PCDH15: variants seen among roughly 807,000 people sequenced by gnomAD.
PCDH15 encodes protocadherin-15.
In PCDH15, 129 loss-of-function variants were observed where a neutral mutation model predicts 178.5. That is an observed-to-expected ratio of 0.72 (90% CI 0.63 to 0.84). PCDH15 has a LOEUF of 0.84. Ranked by LOEUF, PCDH15 falls within the 40% of genes least tolerant of loss-of-function variation. The probability of loss-of-function intolerance (pLI) is 0.00; values close to 1 mark genes in which losing one functional copy is unlikely to be tolerated. For missense variants in PCDH15, 2,230 were observed against 2,099.9 expected (o/e 1.06, Z -1.21); for synonymous variants, 800 against 732.0 (o/e 1.09, Z -1.50).
At chr10:55,261,513 T>C (rs1056220132) in intron 1 of PCDH15, among the ~76,000 whole-genome samples, 1 of 152,180 alleles carries the variant, frequency 6.6e-6, no homozygotes. Flanking sequence ...TATTAGCATG[T>C]ATTTGTGTAT....
intron 21 of PCDH15, chr10:53,995,010 A>C (rs1447441551): frequency 6.6e-6 from 1 of 152,036 alleles, no homozygotes; most frequent in Non-Finnish European, 1.5e-5. Context: ...GAAAAATTTA[A>C]ATCATCAGGA....
chr10:55,464,455 C>T (rs1839785263), intron 2 of PCDH15, among the ~76,000 whole-genome samples: 1 of 151,826 alleles, frequency 6.6e-6, no homozygotes, highest in Admixed American at 6.6e-5. Flanking sequence ...ACCTGAGCAA[C>T]AGATGGCAAG....
chr10:55,606,617 G>A (rs1265082978), intron 2 of PCDH15, among the ~76,000 whole-genome samples: 4 of 148,262 alleles, frequency 2.7e-5, no homozygotes, highest in African/African-American at 7.5e-5. Flanking sequence ...TCTGATCTTT[G>A]ACAAACCTGA....
At chr10:55,442,470 T>TTATATATATATTATATATA (rs1839214261) in intron 2 of PCDH15, among the ~76,000 whole-genome samples, 1 of 124,698 alleles carries the variant, frequency 8.0e-6, no homozygotes, top group Non-Finnish European at 1.6e-5. Flanking sequence ...TATATATATA[T>TTATATATATATTATATATA]TATATATATA....
rs1244558475 is a variant in PCDH15, at chr10:55,455,001, C to T, written c.-156+172624G>A. 5.9e-5 allele frequency among the ~76,000 whole-genome samples: 9 copies of T among 151,952 alleles called. No homozygotes were observed. The East Asian group carries it at 1.7e-3, about 29-fold the overall frequency. ...CAATGTATATATGCATACATATCTT[C>T]ATCTTATGCTTTATGTAAGTGCTTA... On this transcript the variant is annotated intron_variant, in intron 2 of 5. Coordinates refer to the PCDH15 transcript ENST00000613346.
intron 1 of PCDH15, among the ~76,000 whole-genome samples, chr10:55,229,133 C>G (rs1434335361): frequency 6.6e-6 from 1 of 151,578 alleles, no homozygotes; most frequent in Non-Finnish European, 1.5e-5. Flanking sequence ...CTATAAAACT[C>G]ACACAATATA....
intron 8 of PCDH15, among the ~76,000 whole-genome samples, chr10:54,292,053 A>T (rs982723827): frequency 2.0e-5 from 3 of 152,212 alleles, no homozygotes; most frequent in African/African-American, 4.8e-5. Flanking sequence ...CCTGATGAAC[A>T]TTGATGCAAA....
intron 3 of PCDH15, among the ~76,000 whole-genome samples, chr10:54,514,516 G>T (rs1206748950): frequency 6.6e-6 from 1 of 151,322 alleles, no homozygotes; most frequent in African/African-American, 2.4e-5. Context: ...AAAAAAAAAT[G>T]AAAGCAAGGA....
At chr10:54,007,569 T>C (rs1363362445) in intron 20 of PCDH15, among the ~76,000 whole-genome samples, 1 of 152,160 alleles carries the variant, frequency 6.6e-6, no homozygotes, top group South Asian at 2.1e-4. Flanking sequence ...GTTATTTGTT[T>C]GATCATCACA....
chr10:55,184,303 G>T (rs758489535), intron 1 of PCDH15, among the ~76,000 whole-genome samples: 3 of 151,938 alleles, frequency 2.0e-5, no homozygotes, highest in Non-Finnish European at 4.4e-5. Flanking sequence ...CATCCGTACT[G>T]CCATAGAGAA....
At chr10:54,807,071 C>T (rs1175053198) in intron 3 of PCDH15, among the ~76,000 whole-genome samples, 3 of 152,168 alleles carry the variant, frequency 2.0e-5, no homozygotes, top group African/African-American at 7.2e-5. Context: ...TTATACAAGA[C>T]ATAATGCTAG....
At chr10:53,852,562 A>G (rs2078455403) in intron 28 of PCDH15, among the ~76,000 whole-genome samples, 1 of 152,076 alleles carries the variant, frequency 6.6e-6, no homozygotes, top group South Asian at 2.1e-4. Context: ...AGCAGCTAAG[A>G]TTTATTACAA....
intron 2 of PCDH15, among the ~76,000 whole-genome samples, chr10:55,164,676 G>C (rs1325510859): frequency 6.6e-6 from 1 of 151,890 alleles, no homozygotes; most frequent in Non-Finnish European, 1.5e-5. Flanking sequence ...GATTTTCTTT[G>C]TACTAATGTC....
At chr10:55,163,342 A>G (rs1244187561) in intron 2 of PCDH15, among the ~76,000 whole-genome samples, 2 of 152,208 alleles carry the variant, frequency 1.3e-5, no homozygotes, top group Non-Finnish European at 2.9e-5. Context: ...TGATGCATGT[A>G]TACTCCAAAG....
intron 2 of PCDH15, among the ~76,000 whole-genome samples, chr10:55,389,733 C>T (rs574654192): frequency 6.6e-6 from 1 of 152,188 alleles, no homozygotes; most frequent in Admixed American, 6.5e-5. Context: ...TAATTTTCAG[C>T]AACTCTCATA....
In PCDH15 at chr10:54,751,545, C is replaced by A. The variant is rs1946223914; in HGVS notation, c.-29+49380G>T. 2.0e-5 allele frequency among the ~76,000 whole-genome samples: 3 copies of A among 152,080 alleles called. No homozygotes were observed. In the South Asian group the frequency reaches 6.2e-4, roughly 32 times the overall value. On this transcript the variant is annotated intron_variant, in intron 1 of 37. Transcript: ENST00000644397. ...CAATATATTGCACCCAGAAAAAACC[C>A]TTAAAACCGTCTAGTTCAATCATCT...
chr10:53,957,024 C>T (rs1171329078), intron 23 of PCDH15, among the ~76,000 whole-genome samples: 1 of 152,102 alleles, frequency 6.6e-6, no homozygotes, highest in East Asian at 1.9e-4. Context: ...ATGACCTTGG[C>T]CTCAATGCCA....
At chr10:54,577,208 G>A (rs1202792653) in intron 2 of PCDH15, among the ~76,000 whole-genome samples, 1 of 151,438 alleles carries the variant, frequency 6.6e-6, no homozygotes, top group African/African-American at 2.4e-5. Context: ...TCAGCCCCCT[G>A]AGTAGCAGGG....
At chr10:53,948,235 A>C (rs1187194157) in intron 23 of PCDH15, among the ~76,000 whole-genome samples, 2 of 152,130 alleles carry the variant, frequency 1.3e-5, no homozygotes, top group Non-Finnish European at 1.5e-5. Flanking sequence ...TGCTTTGGAC[A>C]ATAAATTATA....
Sources: gnomAD v4.1 joint callset for allele counts (sites outside exome capture counted in the v4.1 genomes callset) on GRCh38, gnomAD v4.1.1 for gene constraint, MANE v1.5 for transcripts, NCBI Gene and HGNC (gene_info 2026-07-23, HGNC 2026-07-21) for gene names.